Variants in NBPF9 observed in about 807,000 individuals in gnomAD.
NBPF9 encodes NBPF family member NBPF9.
NBPF9 carries 91 observed loss-of-function variants against 97.8 expected under a neutral mutation model. The observed-to-expected ratio is 0.93, with a 90% CI of 0.79 to 1.11. The LOEUF (loss-of-function observed/expected upper bound fraction) is 1.11, where lower values mean the gene tolerates loss of function less well. Among genes scored for constraint, NBPF9 ranks in the 50% least tolerant of loss-of-function variants. The pLI, the probability that NBPF9 is intolerant of heterozygous loss-of-function variation, is 0.00. For synonymous variants in NBPF9, 334 were observed against 359.5 expected, an observed-to-expected ratio of 0.93 and a Z score of 0.80; for missense variants, 992 against 939.5, an observed-to-expected ratio of 1.06 and a Z score of -0.73.
chr1:149,071,250 G>T, intron 15 of NBPF9, 111 bp from the exon 16 acceptor site: 14 of 1,302,284 alleles, frequency 1.1e-5, no homozygotes, highest in Non-Finnish European at 1.5e-5. Flanking sequence ...GTCCCAGAAA[G>T]CAAAATGGAG....
chr1:149,058,822 G>A, intron 26 of NBPF9, 103 bp downstream of exon 26: 4 of 715,462 alleles, frequency 5.6e-6, no homozygotes, highest in Non-Finnish European at 1.0e-5. Flanking sequence ...CCTGCCTGTG[G>A]CAATGACATC....
chr1:149,062,123 G>T (rs782283208), exon 22 of NBPF9: 8 of 1,149,308 alleles, frequency 7.0e-6, no homozygotes, highest in Non-Finnish European at 1.0e-5. Flanking sequence ...CCAAGGTACT[G>T]TTCCTCCAAT....
At chr1:149,077,810 C>T (rs1303620493) in intron 10 of NBPF9, 73 bp downstream of exon 10, 10 of 1,586,794 alleles carry the variant, frequency 6.3e-6, no homozygotes, top group South Asian at 2.2e-5. Context: ...ACCATAGATG[C>T]CAGAGAGGGT....
At position 149,081,978 on chromosome 1, in the gene NBPF9, T is replaced by C. The variant is rs1553247831; in HGVS notation, c.162A>G (p.Arg54=). 1.8e-5 allele frequency: 28 copies of C among 1,593,814 alleles called. No individual in the cohort carries two copies. The African/African-American group carries it at 2.0e-4, about 12-fold the overall frequency. Residue 54 remains arginine (R), a synonymous_variant, in exon 7 of 30, where the codon CGA becomes CGG. Coordinates refer to ENST00000584027, the Ensembl canonical transcript of NBPF9. ...TATAGATCTTACTGTATTTCTTCTG[T>C]CGGTTGGCCAGGAAGCCGGCCAGTT...
rs1297799106 is a variant in NBPF9 at position 149,093,342 on chromosome 1, C to T, written c.-336-2448G>A. Among the ~76,000 whole-genome samples, 18 of 152,010 alleles carry T rather than the reference C, an allele frequency of 1.2e-4. No homozygotes were observed. In the South Asian group the frequency reaches 1.3e-3, roughly 11 times the overall value. ...ACCGAGACATTCCATTACCCAGGGA[C>T]GAGCAGGAGACAGATGCCTTCCTCT... is the stretch of plus-strand genomic sequence containing the variant. On this transcript the variant is annotated intron_variant, in intron 4 of 29. Coordinates refer to ENST00000584027, the Ensembl canonical transcript of NBPF9.
In NBPF9 at chr1:149,078,968, C is replaced by T. The variant is rs1328059631; in HGVS notation, c.493+39G>A. 4 of 976,270 alleles carry T rather than the reference C, an allele frequency of 4.1e-6. No individual in the cohort carries two copies. In the African/African-American group the frequency reaches 4.8e-5, roughly 12 times the overall value. 60.5% of individuals were successfully genotyped at this position (976,270 alleles called of 1,614,324 possible). A position where few individuals can be genotyped will look rare whatever the true frequency, so the allele number is the denominator to read the frequency against. ...ATGGAGGTCTGGAGCCTCTCATAAG[C>T]CTGGGGTTTTGGGTCATCAGGGCCT... On this transcript the variant is annotated intron_variant, in intron 9 of 29. Transcript: ENST00000584027.
intron 7 of NBPF9, among the ~76,000 whole-genome samples, chr1:149,081,316 C>T (rs1490644895): frequency 4.6e-5 from 7 of 152,140 alleles, no homozygotes; most frequent in Middle Eastern, 3.4e-3. Flanking sequence ...GATGGGGTTT[C>T]TCCATGTTGC....
At chr1:149,064,075 T>A (rs1298232982) in intron 19 of NBPF9, among the ~76,000 whole-genome samples, 1 of 136,558 alleles carries the variant, frequency 7.3e-6, no homozygotes, top group Non-Finnish European at 1.6e-5. Flanking sequence ...GACACACTGA[T>A]GAGGGAGTCA....
Position 149,070,458 on chromosome 1 carries a change from C to T in NBPF9, c.1585+476G>A, listed in dbSNP as rs1293875134. On this transcript the variant is annotated intron_variant, in intron 16 of 29. Coordinates refer to ENST00000584027, the Ensembl canonical transcript of NBPF9. Reference sequence around the variant, plus strand: ...CACCAAAGTAAAGAAGAAAAGTTTCCGTCCTGATTTCAGGGTGACTGTGCA... The same window carrying T: ...CACCAAAGTAAAGAAGAAAAGTTTCTGTCCTGATTTCAGGGTGACTGTGCA... Among the ~76,000 whole-genome samples the T allele has an allele frequency of 4.6e-5, 7 of 151,940 alleles. No homozygotes were observed. The East Asian group carries it at 7.8e-4, about 17-fold the overall frequency.
chr1:149,092,495 GA>G (rs1449714820), intron 4 of NBPF9, among the ~76,000 whole-genome samples: 2 of 124,452 alleles, frequency 1.6e-5, no homozygotes, highest in Non-Finnish European at 1.8e-5. Flanking sequence ...TGAGCTCTAG[GA>G]AAAAAACACA....
chr1:149,056,150 A>G (rs1369627595), intron 29 of NBPF9, among the ~76,000 whole-genome samples: 2 of 151,904 alleles, frequency 1.3e-5, no homozygotes, highest in Non-Finnish European at 2.9e-5. Flanking sequence ...TGAATTGGCC[A>G]GGTGACATAC....
At chr1:149,071,047 G>C (rs587615488) in exon 16 of NBPF9, 4 of 1,611,280 alleles carry the variant, frequency 2.5e-6, no homozygotes, top group East Asian at 4.5e-5. Context: ...TGGCTGGTTG[G>C]AGTCATAAGG....
exon 11 of NBPF9, chr1:149,077,373 C>T (rs782188984): frequency 1.9e-6 from 3 of 1,610,018 alleles, no homozygotes; most frequent in Non-Finnish European, 2.5e-6. Context: ...GCACATTCCT[C>T]CAGTGAGTCC....
chr1:149,082,076 C>T (rs782090381), exon 7 of NBPF9: 36 of 1,610,182 alleles, frequency 2.2e-5, no homozygotes, highest in South Asian at 7.7e-5. Context: ...CGCAATTTCT[C>T]GTTGATTTCT....
intron 12 of NBPF9, 41 bp from the exon 13 acceptor site, chr1:149,073,911 A>C (rs782108000): frequency 4.5e-6 from 6 of 1,342,388 alleles, no homozygotes; most frequent in Non-Finnish European, 6.3e-6. Context: ...GGAAGGCTGG[A>C]CATGCTGCTG....
At chr1:149,081,261 A>C (rs1259689160) in intron 7 of NBPF9, among the ~76,000 whole-genome samples, 2 of 149,302 alleles carry the variant, frequency 1.3e-5, no homozygotes, top group Non-Finnish European at 3.0e-5. Flanking sequence ...TGGTGATTAC[A>C]GTTGCCCTCC....
At position 149,055,338 on chromosome 1, in the gene NBPF9, C is replaced by G. The variant is rs1267037879; in HGVS notation, c.*318G>C. On this transcript the variant is annotated 3_prime_UTR_variant, in exon 30 of 30. Transcript: ENST00000584027. ...ATGACCTTGAGCAGGTATAGAAGCTCAGAGACATGTCTGCAAAATGAAATC... is the reference window on the plus strand; with the variant it reads ...ATGACCTTGAGCAGGTATAGAAGCTGAGAGACATGTCTGCAAAATGAAATC... 4 of 542,004 alleles carry G rather than the reference C, an allele frequency of 7.4e-6. No individual in the cohort carries two copies. In the African/African-American group the frequency reaches 7.6e-5, roughly 10 times the overall value. 33.6% of individuals were successfully genotyped at this position (542,004 alleles called of 1,614,324 possible). A position where few individuals can be genotyped will look rare whatever the true frequency, so the allele number is the denominator to read the frequency against.
intron 5 of NBPF9, among the ~76,000 whole-genome samples, chr1:149,082,952 CTTTTCTTTTT>C (rs1176090825): frequency 1.6e-5 from 1 of 60,986 alleles, no homozygotes; most frequent in African/African-American, 6.0e-5. Flanking sequence ...GCTAATTTTT[CTTTTCTTTTT>C]TTTTTTTTTT....
exon 30 of NBPF9, chr1:149,054,040 G>T (rs1330990524): frequency 1.3e-5 from 2 of 150,046 alleles, no homozygotes; most frequent in African/African-American, 2.5e-5. Flanking sequence ...ACATGGAAAT[G>T]AAATGTTTTT....
Sources: gnomAD v4.1 joint callset for allele counts (sites outside exome capture counted in the v4.1 genomes callset) on GRCh38, gnomAD v4.1.1 for gene constraint, MANE v1.5 for transcripts, NCBI Gene and HGNC (gene_info 2026-07-23, HGNC 2026-07-21) for gene names.